PCDH11X: variants seen among roughly 807,000 people sequenced by gnomAD.
The protein encoded by PCDH11X is protocadherin 11 X-linked.
PCDH11X carries 18 observed loss-of-function variants against 53.3 expected under a neutral mutation model. The ratio of observed to expected loss-of-function variants is 0.34; its 90% CI spans 0.23 to 0.50. PCDH11X has a LOEUF of 0.50. Ranked by LOEUF, PCDH11X falls within the 20% of genes least tolerant of loss-of-function variation. The pLI is 0.98. For missense variants in PCDH11X, 570 were observed against 1,032.4 expected, an observed-to-expected ratio of 0.55 and a Z score of 6.14; for synonymous variants, 279 against 393.3, an observed-to-expected ratio of 0.71 and a Z score of 3.44.
rs183593959 is a variant in PCDH11X at position 92,406,926 on chromosome X, C to G, written c.3343+18993C>G. Among the ~76,000 whole-genome samples, 30 of 48,175 alleles carry G rather than the reference C, an allele frequency of 6.2e-4. No homozygotes were observed. The Admixed American group carries it at 6.4e-3, about 10-fold the overall frequency. 41.8% of individuals were successfully genotyped at this position (48,175 alleles called of 115,157 possible). A position where few individuals can be genotyped will look rare whatever the true frequency, so the allele number is the denominator to read the frequency against. On this transcript the variant is annotated intron_variant, in intron 9 of 10. Coordinates refer to ENST00000682573, the MANE Select transcript of PCDH11X (RefSeq NM_032968.5). Reference sequence around the variant, plus strand: ...CGGGCAACAGAGTGAAATTCCATCTCATAAAAAAAAAAAAAAAAAAAAAGG... The same window carrying G: ...CGGGCAACAGAGTGAAATTCCATCTGATAAAAAAAAAAAAAAAAAAAAAGG...
chrX:92,204,853 T>C (rs1209802738), intron 7 of PCDH11X, among the ~76,000 whole-genome samples: 2 of 112,004 alleles, frequency 1.8e-5, no homozygotes, highest in African/African-American at 6.5e-5. Flanking sequence ...CTTATAATCA[T>C]GGTGGAAGCC....
At chrX:91,951,783 G>T (rs1024203886) in intron 6 of PCDH11X, among the ~76,000 whole-genome samples, 1 of 111,102 alleles carries the variant, frequency 9.0e-6, no homozygotes, top group Non-Finnish European at 1.9e-5. Context: ...TGATCCTTAG[G>T]TAAGGATTTG....
intron 6 of PCDH11X, among the ~76,000 whole-genome samples, chrX:91,925,545 A>G (rs2147827956): frequency 9.0e-6 from 1 of 111,093 alleles, no homozygotes. Flanking sequence ...TCCCTATCTC[A>G]CTAAAGTCAT....
chrX:92,403,349 T>TG (rs1569481441), intron 9 of PCDH11X, among the ~76,000 whole-genome samples: 1 of 96,392 alleles, frequency 1.0e-5, no homozygotes, highest in African/African-American at 3.9e-5. Flanking sequence ...GTTTTTTTTT[T>TG]TTTTTTTTTT....
chrX:91,905,031 A>G (rs1173829804), intron 6 of PCDH11X, among the ~76,000 whole-genome samples: 16 of 109,580 alleles, frequency 1.5e-4, no homozygotes, highest in Non-Finnish European at 3.0e-4. Flanking sequence ...ATGATCTTCC[A>G]CCAAGAAACT....
chrX:91,978,495 A>G (rs984640620), intron 6 of PCDH11X, among the ~76,000 whole-genome samples: 8 of 108,953 alleles, frequency 7.3e-5, no homozygotes, highest in African/African-American at 2.7e-4. Context: ...AAGCTCTGTG[A>G]TAAGCATGGT....
intron 4 of PCDH11X, among the ~76,000 whole-genome samples, chrX:91,823,575 C>T (rs1339194322): frequency 6.3e-5 from 7 of 111,296 alleles, no homozygotes; most frequent in South Asian, 3.8e-4. Context: ...TGTCTCTGCA[C>T]GTGGGATGGG....
chrX:92,099,655 T>C (rs2064204108), intron 6 of PCDH11X, among the ~76,000 whole-genome samples: 1 of 111,748 alleles, frequency 8.9e-6, no homozygotes, highest in South Asian at 3.7e-4. Flanking sequence ...ATACATGTTT[T>C]GAGTTAATTT....
chrX:92,503,518 A>G (rs972293158), intron 10 of PCDH11X, among the ~76,000 whole-genome samples: 1 of 98,930 alleles, frequency 1.0e-5, no homozygotes, highest in Non-Finnish European at 2.0e-5. Flanking sequence ...AATGTGGTAC[A>G]TATACCTCAT....
At chrX:92,574,022 C>T (rs1922520245) in intron 10 of PCDH11X, among the ~76,000 whole-genome samples, 1 of 107,348 alleles carries the variant, frequency 9.3e-6, no homozygotes, top group African/African-American at 3.4e-5. Flanking sequence ...CTTTCTCATA[C>T]TGCAAATACA....
chrX:91,992,579 T>G (rs2062345295), intron 6 of PCDH11X, among the ~76,000 whole-genome samples: 1 of 95,136 alleles, frequency 1.1e-5, no homozygotes, highest in South Asian at 5.2e-4. Flanking sequence ...TGAGAAAACC[T>G]TGTCACCTAG....
intron 9 of PCDH11X, among the ~76,000 whole-genome samples, chrX:92,434,108 A>T (rs1235769541): frequency 6.3e-5 from 7 of 110,788 alleles, no homozygotes; most frequent in African/African-American, 2.0e-4. Context: ...TTTTAACCTA[A>T]ATTTTATCTA....
chrX:92,199,007 G>C (rs1025479171), intron 6 of PCDH11X, among the ~76,000 whole-genome samples: 1 of 110,919 alleles, frequency 9.0e-6, no homozygotes, highest in African/African-American at 3.3e-5. Flanking sequence ...TCTAAAAGGT[G>C]GGAAATAATA....
At chrX:92,142,422 G>C (rs1354055652) in intron 6 of PCDH11X, among the ~76,000 whole-genome samples, 2 of 106,258 alleles carry the variant, frequency 1.9e-5, no homozygotes. Flanking sequence ...ACATATCCAT[G>C]TTGGTCAGGC....
At chrX:92,014,151 C>A (rs1394886788) in intron 6 of PCDH11X, among the ~76,000 whole-genome samples, 3 of 107,892 alleles carry the variant, frequency 2.8e-5, no homozygotes, top group African/African-American at 6.7e-5. Context: ...AAGGGCTAAT[C>A]TCCAGAATCT....
intron 6 of PCDH11X, among the ~76,000 whole-genome samples, chrX:91,969,996 C>T (rs1307945974): frequency 9.1e-6 from 1 of 109,954 alleles, no homozygotes; most frequent in African/African-American, 3.3e-5. Flanking sequence ...GGAATTGGTT[C>T]TTTCCGGTGG....
rs1402938404 is a variant in PCDH11X at position 92,314,917 on chromosome X, G to T, written c.3144+51774G>T. Among the ~76,000 whole-genome samples the T allele has an allele frequency of 3.6e-5, 4 of 111,640 alleles. No individual in the cohort carries two copies. In the South Asian group the frequency reaches 1.1e-3, roughly 31 times the overall value. On this transcript the variant is annotated intron_variant, in intron 8 of 10. Coordinates refer to ENST00000682573, the MANE Select transcript of PCDH11X (RefSeq NM_032968.5). ...AAAGTACAATGTTTGAAGACCAGAT[G>T]AAGTTAATATTACTATGCAAGCCTC...
chrX:92,148,067 T>C (rs1170129911), intron 6 of PCDH11X, among the ~76,000 whole-genome samples: 3 of 8,253 alleles, frequency 3.6e-4, no homozygotes, highest in African/African-American at 1.2e-3. Flanking sequence ...CCTTTCTTTC[T>C]TTCTTTCTTT....
rs1270196814 is a variant in PCDH11X at position 92,101,471 on chromosome X, C to T, written c.3034-99904C>T. 2.7e-5 allele frequency among the ~76,000 whole-genome samples: 3 copies of T among 111,398 alleles called. No homozygotes were observed. The Admixed American group carries it at 2.9e-4, about 11-fold the overall frequency. ...TGTTTTTAAAAGACCTTAGTCCATT[C>T]TACTTTTCTTGAAGATGGAGGACTG... is the stretch of plus-strand genomic sequence containing the variant. On this transcript the variant is annotated intron_variant, in intron 6 of 10. Coordinates refer to ENST00000682573, the MANE Select transcript of PCDH11X (RefSeq NM_032968.5).
Sources: allele counts gnomAD v4.1 joint callset (sites outside exome capture counted in the v4.1 genomes callset), GRCh38; gene constraint gnomAD v4.1.1; transcripts MANE v1.5; gene names NCBI Gene and HGNC (gene_info 2026-07-23, HGNC 2026-07-21).